The following IL6R variants were observed in gnomAD, a reference collection of about 807,000 sequenced individuals.
IL6R encodes the protein interleukin-6 receptor subunit alpha.
In IL6R, 38 loss-of-function variants were observed where a neutral mutation model predicts 48.3. The ratio of observed to expected loss-of-function variants is 0.79; its 90% CI spans 0.61 to 1.03. The LOEUF (loss-of-function observed/expected upper bound fraction) is 1.03, where lower values mean the gene tolerates loss of function less well. IL6R is among the 50% of genes least tolerant of loss of function. The pLI, the probability that IL6R is intolerant of heterozygous loss-of-function variation, is 0.00. For missense variants in IL6R, 534 were observed against 618.3 expected (o/e 0.86, Z 1.45); for synonymous variants, 264 against 256.2 (o/e 1.03, Z -0.29).
intron 3 of IL6R, among the ~76,000 whole-genome samples, chr1:154,433,650 C>T (rs555548523): frequency 3.9e-5 from 6 of 152,152 alleles, no homozygotes; most frequent in East Asian, 1.9e-4. Flanking sequence ...CCTCACCCCT[C>T]GTGCCAGGCG....
At chr1:154,414,346 A>C in intron 1 of IL6R, 3 of 1,261,612 alleles carry the variant, frequency 2.4e-6, no homozygotes, top group Non-Finnish European at 3.4e-6. Context: ...GCCCTGCCCC[A>C]CCCTGTGCCT....
At position 154,415,760 on chromosome 1, in the gene IL6R, T is replaced by A. The variant is rs191860714; in HGVS notation, c.85+10046T>A. Among the ~76,000 whole-genome samples the A allele has an allele frequency of 1.2e-3, 185 of 152,200 alleles. 2 individuals are homozygous for A. In the Middle Eastern group the frequency reaches 0.031, roughly 25 times the overall value. On this transcript the variant is annotated intron_variant, in intron 1 of 9. Transcript: ENST00000368485. The stretch of plus-strand genomic sequence containing the variant: ...TTGGGAGGCCGAGGCAGGTGGATCA[T>A]TTGAGGTCAGGAGTTTGAAACCAGC...
intron 8 of IL6R, among the ~76,000 whole-genome samples, chr1:154,452,897 T>C (rs1295032946): frequency 4.6e-5 from 7 of 150,726 alleles, no homozygotes; most frequent in Non-Finnish European, 1.0e-4. Context: ...AGAATATTTG[T>C]TGGATGAAAG....
chr1:154,441,842 G>C (rs912484837), intron 6 of IL6R, among the ~76,000 whole-genome samples: 1 of 152,144 alleles, frequency 6.6e-6, no homozygotes, highest in Non-Finnish European at 1.5e-5. Flanking sequence ...TGGGAGTCAG[G>C]TTGTATGACA....
intron 9 of IL6R, among the ~76,000 whole-genome samples, chr1:154,459,688 T>C (rs1691131510): frequency 6.6e-6 from 1 of 152,220 alleles, no homozygotes; most frequent in African/African-American, 2.4e-5. Flanking sequence ...AATTTAAATA[T>C]GCTATCGAAA....
chr1:154,434,653 T>C lies in IL6R; in HGVS notation c.593T>C (p.Val198Ala), dbSNP rs538607677. Reference sequence around the variant, plus strand: ...GTGTCCATGTGCGTCGCCAGTAGTGTCGGGAGCAAGTTCAGCAAAACTCAA... The same window carrying C: ...GTGTCCATGTGCGTCGCCAGTAGTGCCGGGAGCAAGTTCAGCAAAACTCAA... Reference protein sequence around the residue: ...YIVSMCVASSVGSKFSKTQTF... With the variant: ...YIVSMCVASSAGSKFSKTQTF... The change falls in exon 4 of 10, where the codon GTC becomes GCC. Residue 198 changes from valine (V) to alanine (A), a missense_variant. Transcript: ENST00000368485. The C allele has an allele frequency of 6.2e-7, 1 of 1,614,138 alleles. No homozygotes were observed. Among genetic ancestry groups the C allele is most frequent in the Non-Finnish European group, 8.5e-7 (1 of 1,180,026 alleles).
chr1:154,455,455 C>CTTTT (rs201098458), intron 9 of IL6R, among the ~76,000 whole-genome samples: 6 of 128,432 alleles, frequency 4.7e-5, no homozygotes, highest in African/African-American at 6.0e-5. Flanking sequence ...CTTTTCTTTT[C>CTTTT]TTTTTTTTTT....
intron 6 of IL6R, among the ~76,000 whole-genome samples, chr1:154,445,385 G>A (rs1187520336): frequency 6.6e-6 from 1 of 152,142 alleles, no homozygotes; most frequent in Non-Finnish European, 1.5e-5. Flanking sequence ...GCTGTGTTGG[G>A]GGTCAGGACT....
chr1:154,430,422 G>A (rs1689228008), intron 2 of IL6R, 61 bp from the exon 3 acceptor site: 4 of 1,590,632 alleles, frequency 2.5e-6, no homozygotes, highest in Non-Finnish European at 2.6e-6. Flanking sequence ...CCCTGTCTGC[G>A]AGGTCAGTGC....
Position 154,449,892 on chromosome 1 carries a change from T to C in IL6R, c.997-19T>C, listed in dbSNP as rs757222842. 3 of 1,547,014 alleles carry C rather than the reference T, an allele frequency of 1.9e-6. No individual in the cohort carries two copies. In the South Asian group the frequency reaches 3.3e-5, roughly 17 times the overall value. On this transcript the variant is annotated intron_variant, in intron 7 of 9. Transcript: ENST00000368485. Reference sequence around the variant, plus strand: ...GCAATCTGCAGAAACAGGCTGATGGTGAGGAATGTCTCTTTTAGGCACTTA... The same window carrying C: ...GCAATCTGCAGAAACAGGCTGATGGCGAGGAATGTCTCTTTTAGGCACTTA...
intron 1 of IL6R, chr1:154,414,533 G>T: frequency 1.3e-6 from 1 of 777,366 alleles, no homozygotes; most frequent in Non-Finnish European, 2.2e-6. Context: ...CTTTTTGGGT[G>T]TGTTGAAGAA....
intron 6 of IL6R, among the ~76,000 whole-genome samples, chr1:154,447,264 C>A (rs1690278532): frequency 6.6e-6 from 1 of 151,258 alleles, no homozygotes; most frequent in Non-Finnish European, 1.5e-5. Flanking sequence ...TATGGTGAAA[C>A]CCTGTCTCTA....
intron 1 of IL6R, among the ~76,000 whole-genome samples, chr1:154,423,720 A>G (rs1174804106): frequency 6.6e-6 from 1 of 152,222 alleles, no homozygotes; most frequent in Non-Finnish European, 1.5e-5. Flanking sequence ...TGGGTGGTTT[A>G]TAATTAATCA....
Position 154,436,081 on chromosome 1 carries a change from GCCC to G in IL6R, c.921_923del (p.Ser307_Pro308delinsArg). On this transcript the variant is annotated inframe_deletion, in exon 6 of 10. Coordinates refer to ENST00000368485, the MANE Select transcript of IL6R (RefSeq NM_000565.4). Reference sequence around the variant, plus strand: ...GGGCAAGGCGAGTGGAGCGAGTGGAGCCCGGAGGCCATGGGCACGCCTTGGACA... The same window carrying G: ...GGGCAAGGCGAGTGGAGCGAGTGGAGGGAGGCCATGGGCACGCCTTGGACA... The G allele has an allele frequency of 6.2e-7, 1 of 1,612,546 alleles. No homozygotes were observed. The highest frequency in any genetic ancestry group is 8.5e-7 in the Non-Finnish European group (1 of 1,178,976).
intron 9 of IL6R, among the ~76,000 whole-genome samples, chr1:154,461,752 G>GCCCACACCTCAAATCCATCTC (rs1257123755): frequency 2.2e-4 from 34 of 152,092 alleles, no homozygotes; most frequent in African/African-American, 7.7e-4. Context: ...GTAATCCTCT[G>GCCCACACCTCAAATCCATCTC]CCCACACCTC....
At chr1:154,465,025 TG>T in intron 9 of IL6R, 108 bp from the exon 10 acceptor site, 1 of 1,316,582 alleles carries the variant, frequency 7.6e-7, no homozygotes, top group Non-Finnish European at 1.1e-6. Context: ...AGCCGAAACC[TG>T]GGCGCGCCAG....
rs556574775 is a variant in IL6R, at chr1:154,457,577, G to A, written c.1160+2996G>A. Among the ~76,000 whole-genome samples, 38 of 152,144 alleles carry A rather than the reference G, an allele frequency of 2.5e-4. No homozygotes were observed. The South Asian group carries it at 7.9e-3, about 32-fold the overall frequency. The stretch of plus-strand genomic sequence containing the variant: ...TGCCCATTTCATCCCAATCATCTTC[G>A]CTCCATTTGGTCATTGGTTTTGTCA... On this transcript the variant is annotated intron_variant, in intron 9 of 9. Transcript: ENST00000368485.
At chr1:154,419,010 G>C (rs964711566) in intron 1 of IL6R, among the ~76,000 whole-genome samples, 1 of 152,082 alleles carries the variant, frequency 6.6e-6, no homozygotes, top group Non-Finnish European at 1.5e-5. Context: ...GGGTGGTGGG[G>C]AGCCCAGAGA....
chr1:154,405,470 T>C lies in IL6R; in HGVS notation c.-160T>C, dbSNP rs1687646403. The C allele has an allele frequency of 1.6e-6, 1 of 614,090 alleles. No homozygotes were observed. 38.0% of individuals were successfully genotyped at this position (614,090 alleles called of 1,614,324 possible). On this transcript the variant is annotated 5_prime_UTR_variant, in exon 1 of 10. Coordinates refer to ENST00000368485, the MANE Select transcript of IL6R (RefSeq NM_000565.4). The surrounding 1 kb of genome is among the most constrained non-coding windows in gnomAD (Gnocchi z 5.2). ...CGGCGCGGGGCCGAGGGACTCGCAGTGTGTGTAGAGAGCCGGGCTCCTGCG... is the reference window on the plus strand; with the variant it reads ...CGGCGCGGGGCCGAGGGACTCGCAGCGTGTGTAGAGAGCCGGGCTCCTGCG...
Sources: gnomAD v4.1 joint callset for allele counts (sites outside exome capture counted in the v4.1 genomes callset) on GRCh38, gnomAD v4.1.1 for gene constraint, Gnocchi (gnomAD v3.1) non-coding constraint, MANE v1.5 for transcripts, NCBI Gene and HGNC (gene_info 2026-07-23, HGNC 2026-07-21) for gene names.